Variants in ZFP64 observed in about 807,000 individuals in gnomAD.
ZFP64 encodes zinc finger protein 64.
In ZFP64, 14 loss-of-function variants were observed where a neutral mutation model predicts 51.6. The observed-to-expected ratio is 0.27, with a 90% CI of 0.18 to 0.42. ZFP64 has a LOEUF of 0.42. Among genes scored for constraint, ZFP64 ranks in the 10% least tolerant of loss-of-function variants. The probability of loss-of-function intolerance (pLI) is 1.00; values close to 1 mark genes in which losing one functional copy is unlikely to be tolerated. For synonymous variants in ZFP64, 375 were observed against 361.4 expected, an observed-to-expected ratio of 1.04 and a Z score of -0.43; for missense variants, 754 against 906.8, an observed-to-expected ratio of 0.83 and a Z score of 2.16.
At position 52,152,543 on chromosome 20, in the gene ZFP64, G is replaced by A. The variant is rs1201410058; in HGVS notation, c.1649C>T (p.Ala550Val). The A allele has an allele frequency of 3.2e-6, 5 of 1,584,460 alleles. No homozygotes were observed. In the Admixed American group the frequency reaches 6.8e-5, roughly 22 times the overall value. ...LQILRQVSLIAPPQSSRCPSE... is the reference protein window; with the variant it reads ...LQILRQVSLIVPPQSSRCPSE... ...CGGACACCGCGAGGACTGAGGGGGG[G>A]CGATCAGACTGACCTGGCGCAGGAT... The change falls in exon 6 of 6, where the codon GCC becomes GTC. Residue 550 changes from alanine (A) to valine (V), a missense_variant. By Grantham distance (64) the Ala-to-Val change is moderately conservative (BLOSUM62 0). Coordinates refer to ENST00000216923, the MANE Select transcript of ZFP64 (RefSeq NM_018197.3).
chr20:52,135,815 T>C (rs2122893914), intron 5 of ZFP64, among the ~76,000 whole-genome samples: 1 of 152,012 alleles, frequency 6.6e-6, no homozygotes, highest in Non-Finnish European at 1.5e-5. Flanking sequence ...ACAGGCATGA[T>C]TGGCTGGGTT....
In ZFP64 at chr20:52,157,702, G is replaced by C. The variant is rs150742341; in HGVS notation, c.763+2421C>G. ...TTTTAAAATTATACTTTAAGTTCTG[G>C]GATACATGTGCAGAACGTGCAGGTT... On this transcript the variant is annotated intron_variant, in intron 5 of 5. Coordinates refer to ENST00000216923, the MANE Select transcript of ZFP64 (RefSeq NM_018197.3). 4.3e-3 allele frequency among the ~76,000 whole-genome samples: 656 copies of C among 152,162 alleles called. 7 individuals carry two copies. Among genetic ancestry groups the C allele is most frequent in the African/African-American group, 0.015 (620 of 41,492 alleles).
intron 5 of ZFP64, among the ~76,000 whole-genome samples, chr20:52,137,729 A>G (rs919779811): frequency 6.6e-6 from 1 of 152,206 alleles, no homozygotes; most frequent in Non-Finnish European, 1.5e-5. Flanking sequence ...TCATCTCAGC[A>G]AAACTCAGAA....
In ZFP64 at chr20:52,190,201, A is replaced by C. The variant is rs147640534; in HGVS notation, c.46+1390T>G. 3.4e-3 allele frequency among the ~76,000 whole-genome samples: 516 copies of C among 152,318 alleles called. 5 individuals carry two copies. Among genetic ancestry groups the C allele is most frequent in the African/African-American group, 0.012 (486 of 41,558 alleles). On this transcript the variant is annotated intron_variant, in intron 1 of 5. Transcript: ENST00000216923. ...CTTTTCTTCTCTGGCAGATACTGAG[A>C]TACCCATGGAACTAACAAGGAAACA...
chr20:52,155,384 G>A (rs1981232266), intron 5 of ZFP64, among the ~76,000 whole-genome samples: 1 of 151,274 alleles, frequency 6.6e-6, no homozygotes, highest in Non-Finnish European at 1.5e-5. Context: ...CCCCATTCAA[G>A]GACCTCCTTC....
chr20:52,103,393 T>C (rs1296002439), intron 5 of ZFP64, among the ~76,000 whole-genome samples: 1 of 152,180 alleles, frequency 6.6e-6, no homozygotes, highest in Non-Finnish European at 1.5e-5. Flanking sequence ...CCAAAGGTAC[T>C]AGGATAAAAC....
chr20:52,141,717 G>A (rs958207847), intron 5 of ZFP64, among the ~76,000 whole-genome samples: 5 of 152,188 alleles, frequency 3.3e-5, no homozygotes, highest in Non-Finnish European at 7.3e-5. Flanking sequence ...TCTGAACATT[G>A]TGAAAATGAC....
At chr20:52,104,504 T>C (rs2079088757) in intron 5 of ZFP64, 1 of 358,138 alleles carries the variant, frequency 2.8e-6, no homozygotes, top group Non-Finnish European at 5.5e-6. Flanking sequence ...TGCAGAGCTC[T>C]TACCAAGGCT....
chr20:52,084,204 T>A, exon 9 of ZFP64: 1 of 241,750 alleles, frequency 4.1e-6, no homozygotes, highest in South Asian at 9.7e-5. Context: ...CTATATCGTC[T>A]AAGTTTAATA....
intron 7 of ZFP64, among the ~76,000 whole-genome samples, chr20:52,095,871 G>A (rs1185597877): frequency 6.6e-6 from 1 of 152,188 alleles, no homozygotes; most frequent in Non-Finnish European, 1.5e-5. Flanking sequence ...CCCCAGTTGA[G>A]AACAAGCACT....
In ZFP64 at chr20:52,152,299, C is replaced by T; in HGVS notation, c.1893G>A (p.Val631=). ...CTGCGATGTTCTGGCCTCCATCGCT[C>T]ACCACTGTCACTTCTGCTGTCCCCT... is the stretch of plus-strand genomic sequence containing the variant. ...IQEGTAEVTV[V]SDGGQNIAVA... is the part of the protein sequence containing the mutation. The change falls in exon 6 of 6, where the codon GTG becomes GTA. Residue 631 remains valine, a synonymous_variant. Coordinates refer to ENST00000216923, the MANE Select transcript of ZFP64 (RefSeq NM_018197.3). The T allele has an allele frequency of 6.2e-7, 1 of 1,614,186 alleles. No individual in the cohort carries two copies. Among genetic ancestry groups the T allele is most frequent in the Non-Finnish European group, 8.5e-7 (1 of 1,180,030 alleles).
chr20:52,114,130 T>C (rs886333243), intron 5 of ZFP64, among the ~76,000 whole-genome samples: 1 of 152,008 alleles, frequency 6.6e-6, no homozygotes, highest in African/African-American at 2.4e-5. Flanking sequence ...AAGAAAAACA[T>C]GATATGTAAA....
intron 5 of ZFP64, among the ~76,000 whole-genome samples, chr20:52,103,768 C>T (rs1329039263): frequency 2.6e-5 from 4 of 152,246 alleles, no homozygotes; most frequent in Admixed American, 6.5e-5. Context: ...GTAAGTCTCA[C>T]CTGCCTATCT....
intron 5 of ZFP64, among the ~76,000 whole-genome samples, chr20:52,157,021 C>T (rs1358799222): frequency 4.6e-5 from 7 of 152,160 alleles, no homozygotes; most frequent in Non-Finnish European, 1.0e-4. Flanking sequence ...AGTTTCTCAT[C>T]TCCAGCCAGC....
intron 2 of ZFP64, among the ~76,000 whole-genome samples, chr20:52,175,700 C>A (rs1164309574): frequency 6.6e-6 from 1 of 152,052 alleles, no homozygotes; most frequent in Non-Finnish European, 1.5e-5. Context: ...AAAAATTAGC[C>A]GGACGTGGTG....
intron 5 of ZFP64, among the ~76,000 whole-genome samples, chr20:52,135,659 T>C: frequency 6.6e-6 from 1 of 152,002 alleles, no homozygotes; most frequent in East Asian, 2.0e-4. Context: ...GCTAATTTTT[T>C]GGTAATTTTT....
intron 5 of ZFP64, among the ~76,000 whole-genome samples, chr20:52,138,481 A>G (rs1483924005): frequency 6.6e-6 from 1 of 152,170 alleles, no homozygotes; most frequent in Non-Finnish European, 1.5e-5. Flanking sequence ...GCAAATGAAA[A>G]AAAAATACAA....
intron 5 of ZFP64, chr20:52,105,016 G>C (rs1423149922): frequency 8.1e-7 from 1 of 1,234,698 alleles, no homozygotes; most frequent in Admixed American, 3.2e-5. Flanking sequence ...ACTCTGCGCC[G>C]GACGCTTCGC....
At chr20:52,171,208 G>C (rs1387250659) in intron 2 of ZFP64, among the ~76,000 whole-genome samples, 2 of 152,158 alleles carry the variant, frequency 1.3e-5, no homozygotes, top group Non-Finnish European at 2.9e-5. Context: ...AATCTGCTGT[G>C]AACAGCAGGA....
Sources: gnomAD v4.1 joint callset for allele counts (sites outside exome capture counted in the v4.1 genomes callset) on GRCh38, gnomAD v4.1.1 for gene constraint, MANE v1.5 for transcripts, NCBI Gene and HGNC (gene_info 2026-07-23, HGNC 2026-07-21) for gene names.